Variants in EFNA5 observed in about 807,000 individuals in gnomAD.
The protein encoded by EFNA5 is ephrin A5.
A neutral mutation model predicts 22.9 loss-of-function variants in EFNA5; 5 were observed. That is an observed-to-expected ratio of 0.22 (90% CI 0.11 to 0.46). The LOEUF (loss-of-function observed/expected upper bound fraction) is 0.46, where lower values mean the gene tolerates loss of function less well. EFNA5 is among the 20% of genes least tolerant of loss of function. The pLI is 0.99. For synonymous variants in EFNA5, 113 were observed against 112.2 expected, an observed-to-expected ratio of 1.01 and a Z score of -0.04; for missense variants, 237 against 293.3, an observed-to-expected ratio of 0.81 and a Z score of 1.40.
chr5:107,656,254 C>A (rs767896108), intron 1 of EFNA5, among the ~76,000 whole-genome samples: 2 of 152,120 alleles, frequency 1.3e-5, no homozygotes, highest in Non-Finnish European at 1.5e-5. Flanking sequence ...TAAAAATAAA[C>A]CTGGCCAATT....
intron 1 of EFNA5, among the ~76,000 whole-genome samples, chr5:107,505,073 G>C (rs1262198642): frequency 1.3e-5 from 2 of 152,054 alleles, no homozygotes; most frequent in East Asian, 3.8e-4. Context: ...GCTCTGTAAA[G>C]AAAAGGTGCC....
At chr5:107,555,081 A>G (rs1384682228) in intron 1 of EFNA5, among the ~76,000 whole-genome samples, 1 of 152,208 alleles carries the variant, frequency 6.6e-6, no homozygotes, top group Non-Finnish European at 1.5e-5. Context: ...CTCTTGCTCT[A>G]TGCAGGACAC....
intron 1 of EFNA5, among the ~76,000 whole-genome samples, chr5:107,429,988 C>A (rs1748905722): frequency 2.0e-5 from 3 of 152,176 alleles, no homozygotes; most frequent in Admixed American, 2.0e-4. Flanking sequence ...CTGATTTACA[C>A]AAGAGAAATA....
intron 1 of EFNA5, among the ~76,000 whole-genome samples, chr5:107,496,346 A>AC (rs1459109021): frequency 2.7e-5 from 4 of 149,790 alleles, no homozygotes; most frequent in African/African-American, 9.9e-5. Context: ...CAAAAAAAAA[A>AC]AAAAAAACAA....
intron 1 of EFNA5, among the ~76,000 whole-genome samples, chr5:107,657,063 A>C (rs945911591): frequency 6.6e-6 from 1 of 152,178 alleles, no homozygotes; most frequent in Non-Finnish European, 1.5e-5. Flanking sequence ...AGGAACATAT[A>C]TTAGTATATG....
At position 107,494,633 on chromosome 5, in the gene EFNA5, T is replaced by C. The variant is rs567240893; in HGVS notation, c.126-67124A>G. Among the ~76,000 whole-genome samples the C allele has an allele frequency of 4.6e-5, 7 of 152,314 alleles. No individual in the cohort carries two copies. The South Asian group carries it at 1.2e-3, about 27-fold the overall frequency. ...CTCCATCTGCAGCCCCGTTGGGGGA[T>C]CCACTGGGTGAAGCCAGCTGGGCTC... is the stretch of plus-strand genomic sequence containing the variant. On this transcript the variant is annotated intron_variant, in intron 1 of 4. Coordinates refer to ENST00000333274, the MANE Select transcript of EFNA5 (RefSeq NM_001962.3).
intron 1 of EFNA5, among the ~76,000 whole-genome samples, chr5:107,581,099 A>G (rs1374430072): frequency 6.6e-6 from 1 of 152,242 alleles, no homozygotes; most frequent in Non-Finnish European, 1.5e-5. Flanking sequence ...TGAGCAATTC[A>G]GGCTGTGAAC....
At chr5:107,524,944 A>G (rs866669935) in intron 1 of EFNA5, among the ~76,000 whole-genome samples, 7 of 152,344 alleles carry the variant, frequency 4.6e-5, no homozygotes, top group Middle Eastern at 6.8e-3. Flanking sequence ...AATTAAACTC[A>G]TACTGTTAAT....
chr5:107,389,554 G>C (rs1317447477), intron 2 of EFNA5, among the ~76,000 whole-genome samples: 2 of 152,214 alleles, frequency 1.3e-5, no homozygotes, highest in African/African-American at 4.8e-5. Flanking sequence ...CTTTACAGAT[G>C]ATACTGCTAG....
intron 1 of EFNA5, among the ~76,000 whole-genome samples, chr5:107,482,640 T>C (rs1750500252): frequency 6.6e-6 from 1 of 152,098 alleles, no homozygotes; most frequent in Non-Finnish European, 1.5e-5. Flanking sequence ...TGATATCATT[T>C]GCGCAATGTA....
intron 1 of EFNA5, among the ~76,000 whole-genome samples, chr5:107,599,624 A>G (rs1012661777): frequency 6.6e-6 from 1 of 152,260 alleles, no homozygotes; most frequent in African/African-American, 2.4e-5. Context: ...AGAAATCGAT[A>G]GAAAACTTTT....
At chr5:107,390,052 G>A (rs1048696016) in intron 2 of EFNA5, among the ~76,000 whole-genome samples, 3 of 152,300 alleles carry the variant, frequency 2.0e-5, no homozygotes, top group African/African-American at 7.2e-5. Context: ...GATCATCACT[G>A]CATCACTGGC....
intron 1 of EFNA5, among the ~76,000 whole-genome samples, chr5:107,602,176 C>T (rs1749613881): frequency 6.6e-6 from 1 of 152,140 alleles, no homozygotes; most frequent in Admixed American, 6.5e-5. Context: ...ATATGAGGAG[C>T]TGTTTTCAGT....
chr5:107,660,303 T>TATATATATAC (rs1750925132), intron 1 of EFNA5, among the ~76,000 whole-genome samples: 1 of 102,512 alleles, frequency 9.8e-6, no homozygotes, highest in African/African-American at 3.5e-5. Flanking sequence ...TATATATATA[T>TATATATATAC]ATATATATAT....
rs2604936 is a variant in EFNA5 at position 107,670,373 on chromosome 5, G to A, written c.125+116C>T. 8 of 1,310,752 alleles carry A rather than the reference G, an allele frequency of 6.1e-6. No homozygotes were observed. In the East Asian group the frequency reaches 1.8e-4, roughly 30 times the overall value. The allele number at this position is 1,310,752 out of a possible 1,614,324, so 81.2% of individuals were successfully genotyped here. A position where few individuals can be genotyped will look rare whatever the true frequency, so the allele number is the denominator to read the frequency against. On this transcript the variant is annotated intron_variant, in intron 1 of 4. Coordinates refer to ENST00000333274, the MANE Select transcript of EFNA5 (RefSeq NM_001962.3). ...CTCAAGCCATCAGCGCCCGGGCGAC[G>A]CAGGCTCCGAGGGTGCGCGCCGCCA...
chr5:107,599,665 C>A (rs1279878085), intron 1 of EFNA5, among the ~76,000 whole-genome samples: 1 of 152,152 alleles, frequency 6.6e-6, no homozygotes, highest in East Asian at 1.9e-4. Flanking sequence ...AATATCACTG[C>A]AGTCTAGAAA....
In EFNA5 at chr5:107,379,075, A is replaced by G. The variant is rs940654611; in HGVS notation, c.*2180T>C. On this transcript the variant is annotated 3_prime_UTR_variant, in exon 5 of 5. Transcript: ENST00000333274. ...AGGAAAAAGGAATTGAATGCCGTGA[A>G]CTTTTGTTTTGGTGAAATGGTGGCT... is the stretch of plus-strand genomic sequence containing the variant. 3 of 152,206 alleles carry G rather than the reference A, an allele frequency of 2.0e-5. No homozygotes were observed. The highest frequency in any genetic ancestry group is 4.4e-5 in the Non-Finnish European group (3 of 68,028). The allele number at this position is 152,206 out of a possible 1,614,324, so 9.4% of individuals were successfully genotyped here.
chr5:107,641,728 G>C (rs1438945711), intron 1 of EFNA5, among the ~76,000 whole-genome samples: 4 of 152,080 alleles, frequency 2.6e-5, no homozygotes, highest in Non-Finnish European at 5.9e-5. Context: ...GTATAAATAT[G>C]TATAAAAGCC....
At chr5:107,477,919 A>C (rs1234899907) in intron 1 of EFNA5, among the ~76,000 whole-genome samples, 1 of 152,136 alleles carries the variant, frequency 6.6e-6, no homozygotes, top group African/African-American at 2.4e-5. Context: ...TTAACAAGCT[A>C]TCAATCAGAG....
Sources: allele counts gnomAD v4.1 joint callset (sites outside exome capture counted in the v4.1 genomes callset), GRCh38; gene constraint gnomAD v4.1.1; transcripts MANE v1.5; gene names NCBI Gene and HGNC (gene_info 2026-07-23, HGNC 2026-07-21).